Variants in CCND3 observed in about 807,000 individuals in gnomAD.
CCND3 encodes the protein cyclin D3.
A neutral mutation model predicts 28.7 loss-of-function variants in CCND3; 9 were observed. The ratio of observed to expected loss-of-function variants is 0.31; its 90% confidence interval spans 0.19 to 0.55. The LOEUF (loss-of-function observed/expected upper bound fraction) is 0.55. Among genes scored for constraint, CCND3 ranks in the 20% least tolerant of loss-of-function variants. The probability of loss-of-function intolerance (pLI) is 0.93; values close to 1 mark genes in which losing one functional copy is unlikely to be tolerated. For missense variants in CCND3, 315 were observed against 385.8 expected, an observed-to-expected ratio of 0.82 and a Z score of 1.54; for synonymous variants, 164 against 163.9, an observed-to-expected ratio of 1.00 and a Z score of 0.00.
chr6:41,942,605 A>G (rs1776067087), upstream of CCND3, among the ~76,000 whole-genome samples: 1 of 152,102 alleles, frequency 6.6e-6, no homozygotes, highest in Non-Finnish European at 1.5e-5. Flanking sequence ...TTCTGTTTGG[A>G]GAAACTGTGG....
chr6:42,040,367 G>A (rs1037185779), intron 1 of CCND3, among the ~76,000 whole-genome samples: 1 of 152,106 alleles, frequency 6.6e-6, no homozygotes, highest in Non-Finnish European at 1.5e-5. Flanking sequence ...GCAGTGAGCT[G>A]AGATCGTGCC....
At chr6:42,031,025 T>C (rs1764026876) in intron 1 of CCND3, among the ~76,000 whole-genome samples, 1 of 152,146 alleles carries the variant, frequency 6.6e-6, no homozygotes, top group Non-Finnish European at 1.5e-5. Flanking sequence ...CTGTTTATTC[T>C]GATCTCCCTC....
chr6:41,954,274 A>AAAAAAAAAAAAAAAAAAAAAAAAAC (rs1776386150), intron 1 of CCND3, among the ~76,000 whole-genome samples: 1 of 122,406 alleles, frequency 8.2e-6, no homozygotes, highest in Non-Finnish European at 1.7e-5. Flanking sequence ...AAAAAAAAAA[A>AAAAAAAAAAAAAAAAAAAAAAAAAC]AGGTGTGGTG....
intron 1 of CCND3, among the ~76,000 whole-genome samples, chr6:42,017,093 G>A (rs1430673482): frequency 6.6e-6 from 1 of 152,218 alleles, no homozygotes; most frequent in Non-Finnish European, 1.5e-5. Flanking sequence ...TGGAAGTACA[G>A]AGGGACAAGG....
At chr6:41,958,997 T>C (rs1161600207) in intron 1 of CCND3, among the ~76,000 whole-genome samples, 2 of 152,132 alleles carry the variant, frequency 1.3e-5, no homozygotes, top group East Asian at 3.9e-4. Flanking sequence ...AAAACGTACA[T>C]CCACACAAAA....
chr6:42,017,994 C>T (rs1454153851), intron 1 of CCND3, among the ~76,000 whole-genome samples: 1 of 151,572 alleles, frequency 6.6e-6, no homozygotes, highest in East Asian at 2.0e-4. Flanking sequence ...ACTAAAAATA[C>T]AAAAATTAGC....
chr6:42,026,298 G>A (rs1393027917), intron 1 of CCND3, among the ~76,000 whole-genome samples: 1 of 151,810 alleles, frequency 6.6e-6, no homozygotes, highest in African/African-American at 2.4e-5. Context: ...CCTGCCAAGG[G>A]GAAAATATGG....
chr6:41,953,347 T>C (rs1227419865), intron 1 of CCND3, among the ~76,000 whole-genome samples: 3 of 151,512 alleles, frequency 2.0e-5, no homozygotes, highest in Admixed American at 1.3e-4. Flanking sequence ...CCCAACTATA[T>C]ATACACAACT....
chr6:41,940,418 T>C lies in CCND3; in HGVS notation c.366A>G (p.Glu122=). The C allele has an allele frequency of 6.2e-7, 1 of 1,613,450 alleles. No individual in the cohort carries two copies. Among genetic ancestry groups the C allele is most frequent in the Non-Finnish European group, 8.5e-7 (1 of 1,179,838 alleles). ...KLRETTPLTI[E]KLCIYTDHAV... is the part of the protein sequence containing the mutation. ...CGTGGTCGGTGTAGATGCACAGTTTTTCGATGGTCAGGGGCGTGGTCTCGC... is the reference window on the plus strand; with the variant it reads ...CGTGGTCGGTGTAGATGCACAGTTTCTCGATGGTCAGGGGCGTGGTCTCGC... The change falls in exon 2 of 5, where the codon GAA becomes GAG. Residue 122 remains glutamate (E), a synonymous_variant. Transcript: ENST00000372991.
At chr6:42,046,659 C>T (rs1304450081) in intron 1 of CCND3, among the ~76,000 whole-genome samples, 1 of 152,156 alleles carries the variant, frequency 6.6e-6, no homozygotes. Context: ...CGCGCGCACA[C>T]ACACACACAC....
upstream of CCND3, among the ~76,000 whole-genome samples, chr6:41,945,644 G>A (rs563696577): frequency 9.8e-5 from 15 of 152,322 alleles, no homozygotes; most frequent in South Asian, 1.7e-3. Context: ...AGAGCCAAGC[G>A]AGCCATGGGG....
intron 1 of CCND3, among the ~76,000 whole-genome samples, chr6:42,013,671 A>C (rs1763404501): frequency 6.6e-6 from 1 of 152,174 alleles, no homozygotes. Context: ...GTTCTTGTTG[A>C]ATTTTATATT....
chr6:42,023,446 A>G (rs188636942), intron 1 of CCND3, among the ~76,000 whole-genome samples: 164 of 152,342 alleles, frequency 1.1e-3, no homozygotes, highest in Non-Finnish European at 1.8e-3. Flanking sequence ...GTCTTCAAAC[A>G]GAAACACACA....
intron 1 of CCND3, among the ~76,000 whole-genome samples, chr6:42,047,252 A>T (rs1047677679): frequency 2.0e-5 from 3 of 152,236 alleles, no homozygotes; most frequent in Non-Finnish European, 4.4e-5. Context: ...TTCCAGGGGA[A>T]GAAACTCTGA....
At chr6:41,980,337 T>C (rs890206618) in intron 1 of CCND3, among the ~76,000 whole-genome samples, 1 of 152,142 alleles carries the variant, frequency 6.6e-6, no homozygotes, top group Admixed American at 6.6e-5. Context: ...GGTTTTACCA[T>C]GTTGGCCAGG....
chr6:42,015,281 CTGAG>C (rs1453868216), intron 1 of CCND3, among the ~76,000 whole-genome samples: 1 of 152,124 alleles, frequency 6.6e-6, no homozygotes, highest in East Asian at 1.9e-4. Context: ...ATTGATGATT[CTGAG>C]TGAGTGGTGG....
rs1210674739 is a variant in CCND3 at position 41,985,549 on chromosome 6, AGG to A, written c.-45-44966_-45-44965del. Among the ~76,000 whole-genome samples, 749 of 151,076 alleles carry A rather than the reference AGG, an allele frequency of 5.0e-3. 4 individuals carry two copies. Among genetic ancestry groups the A allele is most frequent in the Non-Finnish European group, 8.1e-3 (548 of 67,612 alleles). On this transcript the variant is annotated intron_variant, in intron 1 of 4. Coordinates refer to the CCND3 transcript ENST00000372988. Reference sequence around the variant, plus strand: ...AGGCTGGTCTCGGACTCCTGACCTTAGGTAATCCACCCGCCTCGGCCTCCCAG... The same window carrying A: ...AGGCTGGTCTCGGACTCCTGACCTTATAATCCACCCGCCTCGGCCTCCCAG...
intron 1 of CCND3, among the ~76,000 whole-genome samples, chr6:42,016,670 C>T (rs952652679): frequency 1.3e-5 from 2 of 151,328 alleles, no homozygotes; most frequent in African/African-American, 4.9e-5. Flanking sequence ...ACTGCAACCT[C>T]CAGCTCCCAG....
intron 1 of CCND3, among the ~76,000 whole-genome samples, chr6:42,026,425 C>A (rs1344675780): frequency 3.3e-5 from 5 of 152,122 alleles, no homozygotes; most frequent in African/African-American, 1.2e-4. Flanking sequence ...CCACCTTTGA[C>A]CAGAGGGGAG....
Sources: allele counts gnomAD v4.1 joint callset (sites outside exome capture counted in the v4.1 genomes callset), GRCh38; gene constraint gnomAD v4.1.1; transcripts MANE v1.5; gene names NCBI Gene and HGNC (gene_info 2026-07-23, HGNC 2026-07-21).